The following CPXM2 variants were observed in gnomAD, a reference collection of about 807,000 sequenced individuals.
CPXM2 encodes inactive carboxypeptidase-like protein X2.
Under a neutral mutation model 86.1 loss-of-function variants are expected in CPXM2, and 66 were observed. That is an observed-to-expected ratio of 0.77 (90% CI 0.63 to 0.94). The LOEUF (loss-of-function observed/expected upper bound fraction) is 0.94, where lower values mean the gene tolerates loss of function less well. CPXM2 is among the 40% of genes least tolerant of loss of function. The pLI is 0.00. For synonymous variants in CPXM2, 388 were observed against 400.2 expected (o/e 0.97, Z 0.36); for missense variants, 948 against 1,026.3 (o/e 0.92, Z 1.04).
intron 6 of CPXM2, among the ~76,000 whole-genome samples, chr10:123,788,031 G>C (rs1847108231): frequency 1.3e-5 from 2 of 151,906 alleles, no homozygotes; most frequent in South Asian, 4.2e-4. Flanking sequence ...TGTAATCCTA[G>C]CACTCTGGGA....
rs138598804 is a variant in CPXM2 at position 123,790,732 on chromosome 10, G to T, written c.889+7244C>A. ...CCCCCATCGTGCCAAGAGAGACGGG[G>T]GCAGCAAGTGTGTCTATCTTATCTC... On this transcript the variant is annotated intron_variant, in intron 6 of 13. Coordinates refer to ENST00000241305, the MANE Select transcript of CPXM2 (RefSeq NM_198148.3). 6.7e-3 allele frequency among the ~76,000 whole-genome samples: 1,027 copies of T among 152,158 alleles called. 13 individuals are homozygous for T. Among genetic ancestry groups the T allele is most frequent in the African/African-American group, 0.023 (948 of 41,504 alleles).
intron 2 of CPXM2, among the ~76,000 whole-genome samples, chr10:123,901,694 G>C (rs111857083): frequency 1.2e-4 from 18 of 152,236 alleles, no homozygotes; most frequent in Admixed American, 3.3e-4. Flanking sequence ...CATTTGCTGA[G>C]TAGAGAGGTC....
At chr10:123,747,124 T>C in intron 13 of CPXM2, 107 bp from the exon 14 acceptor site, 1 of 1,336,554 alleles carries the variant, frequency 7.5e-7, no homozygotes, top group East Asian at 2.3e-5. Context: ...ACTCTCAGGC[T>C]GGCAACGTGG....
chr10:123,937,628 A>G (rs1262225482), intron 2 of CPXM2, among the ~76,000 whole-genome samples: 2 of 152,164 alleles, frequency 1.3e-5, no homozygotes, highest in Admixed American at 6.5e-5. Context: ...TTTTTTCAAC[A>G]AAGTCTCTTG....
At chr10:123,875,816 T>C (rs1944977225) in intron 2 of CPXM2, among the ~76,000 whole-genome samples, 1 of 142,274 alleles carries the variant, frequency 7.0e-6, no homozygotes, top group Middle Eastern at 3.5e-3. Flanking sequence ...TCTTTTTTTT[T>C]TTTTTTTTTT....
chr10:123,752,198 A>C, intron 13 of CPXM2: 2 of 985,432 alleles, frequency 2.0e-6, no homozygotes, highest in Non-Finnish European at 2.4e-6. Context: ...GGTCTCTGGC[A>C]CATTCCAGCT....
intron 6 of CPXM2, among the ~76,000 whole-genome samples, chr10:123,785,650 T>C (rs79156066): frequency 6.6e-6 from 1 of 151,656 alleles, no homozygotes; most frequent in Non-Finnish European, 1.5e-5. Context: ...TTTTTTTTTT[T>C]TGAGACGCAG....
chr10:123,789,968 A>G (rs1311766819), intron 6 of CPXM2, among the ~76,000 whole-genome samples: 2 of 152,274 alleles, frequency 1.3e-5, no homozygotes, highest in East Asian at 3.9e-4. Context: ...ATTACAAAAA[A>G]TTAGCCAGGT....
chr10:123,800,028 G>GTTTTTTT (rs530876054), intron 4 of CPXM2, among the ~76,000 whole-genome samples: 3 of 109,598 alleles, frequency 2.7e-5, no homozygotes, highest in African/African-American at 3.3e-5. Context: ...TAGTTTTTTG[G>GTTTTTTT]TTTTTTTTTT....
chr10:123,751,079 C>A (rs1846063940), intron 13 of CPXM2: 4 of 984,958 alleles, frequency 4.1e-6, no homozygotes, highest in South Asian at 4.7e-5. Context: ...GCGTGCCAAG[C>A]CTGTCCCGCA....
intron 2 of CPXM2, among the ~76,000 whole-genome samples, chr10:123,872,089 T>C (rs900869900): frequency 6.6e-6 from 1 of 152,196 alleles, no homozygotes; most frequent in African/African-American, 2.4e-5. Context: ...AGAACTTTCA[T>C]TCACTGCTGG....
chr10:123,854,357 TAA>T (rs1254892109), intron 3 of CPXM2, among the ~76,000 whole-genome samples: 14 of 117,346 alleles, frequency 1.2e-4, no homozygotes, highest in South Asian at 1.2e-3. Flanking sequence ...TATATATATA[TAA>T]AAATATATAT....
Position 123,767,124 on chromosome 10 carries a change from C to T in CPXM2, c.1328G>A (p.Gly443Glu). Reference protein sequence around the residue: ...GGSELGGWSLGRWTHDGIDIN... With the variant: ...GGSELGGWSLERWTHDGIDIN... ...GTCAATTCCATCGTGGGTCCAGCGT[C>T]CCAGGGACCAGCCTCCCAGCTCCGA... The change falls in exon 10 of 14, where the codon GGA becomes GAA. Residue 443 changes from glycine to glutamate, a missense_variant. Gly to Glu is a moderately conservative substitution (Grantham distance 98). Transcript: ENST00000241305. 1 of 1,614,116 alleles carries T rather than the reference C, an allele frequency of 6.2e-7. No individual in the cohort carries two copies.
At chr10:123,880,145 T>TTGGCCCCC in intron 2 of CPXM2, 66 bp downstream of exon 2, 2 of 407,580 alleles carry the variant, frequency 4.9e-6, no homozygotes, top group Non-Finnish European at 9.6e-6. Flanking sequence ...CAGGGGCCTG[T>TTGGCCCCC]ACCCACCCAC....
intron 2 of CPXM2, among the ~76,000 whole-genome samples, chr10:123,874,422 C>T (rs1191890826): frequency 6.6e-6 from 1 of 152,030 alleles, no homozygotes; most frequent in Non-Finnish European, 1.5e-5. Flanking sequence ...AATACCATCA[C>T]CTTGTGGGTT....
intron 2 of CPXM2, among the ~76,000 whole-genome samples, chr10:123,937,986 G>A (rs1022258718): frequency 2.6e-5 from 4 of 152,114 alleles, no homozygotes; most frequent in African/African-American, 7.2e-5. Context: ...ATAGAATTAA[G>A]ATTCCTTTGT....
upstream of CPXM2, among the ~76,000 whole-genome samples, chr10:123,942,481 A>G (rs1418846460): frequency 6.6e-6 from 1 of 152,238 alleles, no homozygotes; most frequent in Non-Finnish European, 1.5e-5. Flanking sequence ...CTCACTGCTC[A>G]TTATATGCTA....
intron 4 of CPXM2, among the ~76,000 whole-genome samples, chr10:123,825,246 G>A (rs935880253): frequency 6.6e-6 from 1 of 152,194 alleles, no homozygotes; most frequent in African/African-American, 2.4e-5. Flanking sequence ...AAGAGACAGA[G>A]AGGAAGGGGG....
Position 123,767,154 on chromosome 10 carries a change from T to C in CPXM2, c.1300-2A>G, listed in dbSNP as rs772466252. On this transcript the variant is annotated splice_acceptor_variant, in intron 9 of 13. Transcript: ENST00000241305. LOFTEE classifies it high-confidence loss of function. ...GGACCAGCCTCCCAGCTCCGAGCCC[T>C]GGAGACAAGTGAGAGTGTGAAGAAT... The C allele has an allele frequency of 2.4e-5, 38 of 1,612,696 alleles. No individual in the cohort carries two copies. Among genetic ancestry groups the C allele is most frequent in the Non-Finnish European group, 3.0e-5 (35 of 1,179,220 alleles).
Sources: gnomAD v4.1 joint callset for allele counts (sites outside exome capture counted in the v4.1 genomes callset) on GRCh38, gnomAD v4.1.1 for gene constraint, MANE v1.5 for transcripts, NCBI Gene and HGNC (gene_info 2026-07-23, HGNC 2026-07-21) for gene names.